XAF1: variants seen among roughly 807,000 people sequenced by gnomAD.
The protein encoded by XAF1 is XIAP associated factor 1, also known as XIAP-associated factor 1.
Under a neutral mutation model 32.3 loss-of-function variants are expected in XAF1, and 32 were observed. That is an observed-to-expected ratio of 0.99 (90% CI 0.75 to 1.33). XAF1 has a LOEUF of 1.33. XAF1 is among the 40% of genes most tolerant of loss of function. XAF1 has a pLI of 0.00. For synonymous variants in XAF1, 120 were observed against 125.9 expected (o/e 0.95, Z 0.31); for missense variants, 379 against 366.0 (o/e 1.04, Z -0.29).
At chr17:6,759,223 C>G in intron 2 of XAF1, 1 of 1,061,984 alleles carries the variant, frequency 9.4e-7, no homozygotes, top group Non-Finnish European at 1.1e-6. Flanking sequence ...GAGTCTACCT[C>G]CAGTTTTCCT....
At position 6,770,629 on chromosome 17, in the gene XAF1, A is replaced by G. The variant is rs1361040829; in HGVS notation, c.508-14A>G. The G allele has an allele frequency of 6.5e-7, 1 of 1,547,930 alleles. No homozygotes were observed. Among genetic ancestry groups the G allele is most frequent in the Non-Finnish European group, 8.7e-7 (1 of 1,151,682 alleles). ...AAGTCATTTTAAAATTTGATATATT[A>G]TTCACAATTGCAGGGTAAATGTTGT... On this transcript the variant is annotated splice_polypyrimidine_tract_variant and intron_variant, in intron 5 of 6. Transcript: ENST00000361842.
intron 5 of XAF1, among the ~76,000 whole-genome samples, chr17:6,770,369 G>A (rs934488471): frequency 1.6e-4 from 24 of 152,084 alleles, no homozygotes; most frequent in Non-Finnish European, 2.1e-4. Flanking sequence ...AATCACCCCC[G>A]AAGGCCCCAC....
intron 6 of XAF1, chr17:6,771,809 A>T (rs1253273530): frequency 6.6e-6 from 1 of 152,212 alleles, no homozygotes; most frequent in Non-Finnish European, 1.5e-5. Context: ...TCATATAAAG[A>T]AGTATAAAAG....
intron 2 of XAF1, 110 bp downstream of exon 2, chr17:6,758,334 G>A (rs73356239): frequency 0.043 from 64,027 of 1,484,472 alleles, 3,020 homozygotes; most frequent in African/African-American, 0.2. Context: ...AGTCCTCCCT[G>A]CAGGTGAGAT....
At chr17:6,757,661 T>C (rs9910331) in intron 1 of XAF1, among the ~76,000 whole-genome samples, 44,922 of 151,908 alleles carry the variant, frequency 0.3, 6,850 homozygotes, top group East Asian at 0.48. Context: ...AAATGTTTCA[T>C]TTTAAAAACA....
At position 6,765,918 on chromosome 17, in the gene XAF1, T is replaced by C. The variant is rs369395536; in HGVS notation, c.507+3678T>C. 2.6e-5 allele frequency among the ~76,000 whole-genome samples: 4 copies of C among 152,352 alleles called. No individual in the cohort carries two copies. The East Asian group carries it at 7.7e-4, about 29-fold the overall frequency. ...TATGCAAACTCAAAACTACAGTGGC[T>C]TTAGAGATCTATGTCATCTTTGCCT... On this transcript the variant is annotated intron_variant, in intron 5 of 6. Transcript: ENST00000361842.
chr17:6,768,739 G>A (rs922988371), intron 5 of XAF1, among the ~76,000 whole-genome samples: 3 of 152,008 alleles, frequency 2.0e-5, no homozygotes, highest in Admixed American at 1.3e-4. Context: ...TCCTTTGTAC[G>A]TAATCTTTAT....
At chr17:6,759,382 C>G in intron 2 of XAF1, 6 of 1,363,246 alleles carry the variant, frequency 4.4e-6, no homozygotes, top group Non-Finnish European at 5.7e-6. Context: ...CCCTGTTTCC[C>G]GCCTTTCCAT....
At chr17:6,764,551 T>C (rs1263355280) in intron 5 of XAF1, among the ~76,000 whole-genome samples, 1 of 151,054 alleles carries the variant, frequency 6.6e-6, no homozygotes, top group Non-Finnish European at 1.5e-5. Flanking sequence ...TATATATCAA[T>C]GGCCTTGCAC....
At chr17:6,762,686 C>T (rs750323478) in intron 5 of XAF1, among the ~76,000 whole-genome samples, 13 of 152,204 alleles carry the variant, frequency 8.5e-5, no homozygotes, top group Admixed American at 2.0e-4. Flanking sequence ...GGCGCAGTTA[C>T]GTGATTGACT....
intron 5 of XAF1, among the ~76,000 whole-genome samples, chr17:6,764,505 C>T (rs987436242): frequency 1.3e-5 from 2 of 152,160 alleles, no homozygotes; most frequent in Non-Finnish European, 2.9e-5. Flanking sequence ...ACATTTCTTA[C>T]AATAACTTTT....
In XAF1 at chr17:6,773,721, A is replaced by G. The variant is rs1227833334; in HGVS notation, c.*552A>G. 6.6e-6 allele frequency: 1 copy of G among 152,230 alleles called. No homozygotes were observed. The allele number at this position is 152,230 out of a possible 1,614,324, so 9.4% of individuals were successfully genotyped here. On this transcript the variant is annotated 3_prime_UTR_variant, in exon 7 of 7. Transcript: ENST00000361842. ...AGCTAACTTTCAGGAGACAAAATCA[A>G]TATACAAAATATGGTAGCATTTTTA...
In XAF1 at chr17:6,758,116, C is replaced by A. The variant is rs1427197921; in HGVS notation, c.60C>A (p.Phe20Leu). The A allele has an allele frequency of 1.9e-6, 3 of 1,614,260 alleles. No individual in the cohort carries two copies. Among genetic ancestry groups the A allele is most frequent in the Non-Finnish European group, 2.5e-6 (3 of 1,180,046 alleles). The change falls in exon 2 of 7, where the codon TTC (phenylalanine) becomes TTA (leucine). Residue 20 changes from phenylalanine (F) to leucine (L), a missense_variant. By Grantham distance (22) the Phe-to-Leu change is conservative. Transcript: ENST00000361842. ...NCKRHVVSAN[F>L]TLHEAYCLRF... Reference sequence around the variant, plus strand: ...AAAGACATGTAGTCTCTGCCAACTTCACCCTCCATGAGGCTTACTGCCTGC... The same window carrying A: ...AAAGACATGTAGTCTCTGCCAACTTAACCCTCCATGAGGCTTACTGCCTGC...
At position 6,773,134 on chromosome 17, in the gene XAF1, T is replaced by A. The variant is rs764142234; in HGVS notation, c.871T>A (p.Ser291Thr). 6.2e-7 allele frequency: 1 copy of A among 1,606,384 alleles called. No individual in the cohort carries two copies. The highest frequency in any genetic ancestry group is 1.1e-5 in the South Asian group (1 of 89,064). ...QHQEKCRWLA[S>T]SKGKQVRNFS ...TTAGGAGAAATGCCGGTGGTTAGCTTCATCAAAAGGAAAACAAGTGAGAAA... is the reference window on the plus strand; with the variant it reads ...TTAGGAGAAATGCCGGTGGTTAGCTACATCAAAAGGAAAACAAGTGAGAAA... The change falls in exon 7 of 7, where the codon TCA (serine) becomes ACA (threonine). Residue 291 changes from serine (S) to threonine (T), a missense_variant. Coordinates refer to ENST00000361842, the MANE Select transcript of XAF1 (RefSeq NM_017523.5).
At chr17:6,755,682 C>T (rs1974605425), upstream of XAF1, 7 of 1,050,228 alleles carry the variant, frequency 6.7e-6, no homozygotes, top group Non-Finnish European at 8.1e-6. Context: ...AGGGGAGGAC[C>T]AGAAGGGAGC....
At chr17:6,772,147 G>C (rs1168537231) in intron 6 of XAF1, among the ~76,000 whole-genome samples, 1 of 152,042 alleles carries the variant, frequency 6.6e-6, no homozygotes, top group Non-Finnish European at 1.5e-5. Context: ...GGTGTTACTA[G>C]TGCCATTTTT....
rs1975236436 is a variant in XAF1, at chr17:6,761,939, A to T, written c.422-216A>T. ...CTCCATTACGGTTGCTGCTGCCCTG[A>T]GTGCACATCTGTGGCCATAAAGGAA... is the stretch of plus-strand genomic sequence containing the variant. On this transcript the variant is annotated intron_variant, in intron 4 of 6. Transcript: ENST00000361842. 2.0e-6 allele frequency: 3 copies of T among 1,519,088 alleles called. No homozygotes were observed. The East Asian group carries it at 7.6e-5, about 38-fold the overall frequency. The allele number at this position is 1,519,088 out of a possible 1,614,324, so 94.1% of individuals were successfully genotyped here. A position where few individuals can be genotyped will look rare whatever the true frequency, so the allele number is the denominator to read the frequency against.
chr17:6,772,598 G>A (rs1976130839), intron 6 of XAF1, among the ~76,000 whole-genome samples: 1 of 151,160 alleles, frequency 6.6e-6, no homozygotes, highest in Non-Finnish European at 1.5e-5. Context: ...AGCCTCCTGA[G>A]TAGCTGGGAG....
rs35588057 is a variant in XAF1, at chr17:6,770,897, T to C, written c.762T>C (p.Pro254=). The C allele has an allele frequency of 2.1e-3, 3,324 of 1,614,136 alleles. 73 individuals carry two copies. In the African/African-American group the frequency reaches 0.038, roughly 19 times the overall value. Residue 254 remains proline (P), a synonymous_variant, in exon 6 of 7, where the codon CCT becomes CCC. Transcript: ENST00000361842. ...AGCCCAAGCCCAGGACCAGCTCCCC[T>C]AGAGGAGATAAAGCAGCCTATGACA... The part of the protein sequence containing the change: ...MSEPKPRTSS[P]RGDKAAYDIL...
Sources: gnomAD v4.1 joint callset for allele counts (sites outside exome capture counted in the v4.1 genomes callset) on GRCh38, gnomAD v4.1.1 for gene constraint, MANE v1.5 for transcripts, NCBI Gene and HGNC (gene_info 2026-07-23, HGNC 2026-07-21) for gene names.